ASMTL: variants seen among roughly 807,000 people sequenced by gnomAD.
The protein encoded by ASMTL is probable bifunctional dTTP/UTP pyrophosphatase/methyltransferase protein.
In ASMTL, 57 loss-of-function variants were observed where a neutral mutation model predicts 60.3. The ratio of observed to expected loss-of-function variants is 0.95; its 90% CI spans 0.76 to 1.18. The LOEUF (loss-of-function observed/expected upper bound fraction) is 1.18. ASMTL is among the 50% of genes most tolerant of loss of function. ASMTL has a pLI of 0.00. For synonymous variants in ASMTL, 419 were observed against 373.0 expected, an observed-to-expected ratio of 1.12 and a Z score of -1.42; for missense variants, 981 against 852.6, an observed-to-expected ratio of 1.15 and a Z score of -1.88.
chrX:1,418,741 T>C (rs5948844), intron 10 of ASMTL, among the ~76,000 whole-genome samples: 119,917 of 151,924 alleles, frequency 0.79, 47,551 homozygotes, highest in East Asian at 0.9. Context: ...CAAGGTGCTC[T>C]GCCTCAGCTC....
intron 12 of ASMTL, among the ~76,000 whole-genome samples, chrX:1,412,375 G>C (rs1379358090): frequency 3.3e-5 from 5 of 151,352 alleles, no homozygotes; most frequent in African/African-American, 4.9e-5. Context: ...TTACAGGTGC[G>C]CACTACCACA....
Position 1,442,246 on chromosome X carries a change from A to G in ASMTL, c.165T>C (p.Tyr55=). Residue 55 remains tyrosine, a synonymous_variant, in exon 2 of 13, where the codon TAT becomes TAC. Coordinates refer to ENST00000381317, the MANE Select transcript of ASMTL (RefSeq NM_004192.4). ...GCTTGGCGGTCTCCATGGCGTACCC[A>G]TACGGAGTAGCGAAGGAGGCTTTGT... is the stretch of plus-strand genomic sequence containing the variant. ...KLDKASFATP[Y]GYAMETAKQK... 6.2e-7 allele frequency: 1 copy of G among 1,613,926 alleles called. No individual in the cohort carries two copies. Among genetic ancestry groups the G allele is most frequent in the Non-Finnish European group, 8.5e-7 (1 of 1,179,862 alleles).
At chrX:1,416,891 A>C (rs1489366559) in intron 11 of ASMTL, among the ~76,000 whole-genome samples, 1 of 151,196 alleles carries the variant, frequency 6.6e-6, no homozygotes, top group Non-Finnish European at 1.5e-5. Context: ...GCAGACACAC[A>C]TACCCTCAGA....
intron 2 of ASMTL, chrX:1,441,925 A>G (rs527742001): frequency 1.1e-5 from 5 of 469,078 alleles, no homozygotes; most frequent in African/African-American, 5.9e-5. Context: ...CATTAATTGT[A>G]TATCATCAAT....
intron 6 of ASMTL, among the ~76,000 whole-genome samples, chrX:1,430,996 T>C (rs1418074884): frequency 1.7e-4 from 22 of 127,782 alleles, no homozygotes; most frequent in Non-Finnish European, 2.6e-4. Context: ...TCACACTTTA[T>C]ATTATTATGT....
intron 8 of ASMTL, among the ~76,000 whole-genome samples, chrX:1,424,339 A>C: frequency 1.0e-5 from 1 of 96,636 alleles, no homozygotes; most frequent in African/African-American, 3.7e-5. Flanking sequence ...CAGCTACCCA[A>C]CCACCGATCC....
At position 1,435,730 on chromosome X, in the gene ASMTL, G is replaced by A. The variant is rs751164203; in HGVS notation, c.302C>T (p.Pro101Leu). 33 of 1,613,364 alleles carry A rather than the reference G, an allele frequency of 2.0e-5. No individual in the cohort carries two copies. The highest frequency in any genetic ancestry group is 2.0e-4 in the Admixed American group (12 of 59,948). ...CCTGTAGGCGTCCTGCTTGTCCACC[G>A]GCTTCTCCAGAATCAGCCCCCCGAC... ...VTVGGLILEK[P>L]VDKQDAYRML... The change falls in exon 4 of 13, where the codon CCG becomes CTG. Residue 101 changes from proline (P) to leucine (L), a missense_variant. Transcript: ENST00000381317.
chrX:1,449,005 G>A (rs190230736), intron 1 of ASMTL, among the ~76,000 whole-genome samples: 291 of 152,166 alleles, frequency 1.9e-3, no homozygotes, highest in African/African-American at 6.5e-3. Flanking sequence ...GAAATAAACC[G>A]CCTCTGACCA....
intron 11 of ASMTL, among the ~76,000 whole-genome samples, chrX:1,416,650 C>T (rs781564136): frequency 6.6e-6 from 1 of 151,868 alleles, no homozygotes; most frequent in African/African-American, 2.4e-5. Context: ...TATGCAAGCA[C>T]ACACCACAGA....
intron 1 of ASMTL, among the ~76,000 whole-genome samples, chrX:1,448,284 C>A (rs2091273738): frequency 1.4e-5 from 2 of 147,868 alleles, no homozygotes; most frequent in Non-Finnish European, 3.0e-5. Flanking sequence ...ATCTTGGACA[C>A]ACACCGCCAT....
At chrX:1,452,529 G>C (rs1330109779) in intron 1 of ASMTL, among the ~76,000 whole-genome samples, 1 of 146,332 alleles carries the variant, frequency 6.8e-6, no homozygotes, top group Admixed American at 6.7e-5. Context: ...CCCATGCCTA[G>C]GGGGTTCCGG....
intron 6 of ASMTL, among the ~76,000 whole-genome samples, chrX:1,428,887 CTTTTTTA>C (rs1313419024): frequency 2.0e-5 from 3 of 148,134 alleles, no homozygotes; most frequent in African/African-American, 7.5e-5. Context: ...TCCTGTCTCA[CTTTTTTA>C]TTTTTTATTT....
rs1383013311 is a variant in ASMTL, at chrX:1,404,267, A to C, written c.1646-778T>G. Among the ~76,000 whole-genome samples, 66 of 151,150 alleles carry C rather than the reference A, an allele frequency of 4.4e-4. 1 individual carries two copies. Among genetic ancestry groups the C allele is most frequent in the African/African-American group, 1.4e-3 (56 of 40,644 alleles). ...GATGAATGGATGGATAGATGGATGC[A>C]TGGATGAGATGGATGGATGGATGGG... On this transcript the variant is annotated intron_variant, in intron 12 of 12. Coordinates refer to ENST00000381317, the MANE Select transcript of ASMTL (RefSeq NM_004192.4).
intron 3 of ASMTL, among the ~76,000 whole-genome samples, chrX:1,436,408 A>C (rs1174872839): frequency 2.0e-5 from 3 of 151,988 alleles, no homozygotes; most frequent in Non-Finnish European, 1.5e-5. Flanking sequence ...GCTGGAGTGC[A>C]GTGGCGCGAT....
chrX:1,436,616 T>C (rs1214507029), intron 3 of ASMTL, among the ~76,000 whole-genome samples: 1 of 152,150 alleles, frequency 6.6e-6, no homozygotes, highest in East Asian at 1.9e-4. Flanking sequence ...CCTCCCAAAG[T>C]GCTGGGATGA....
At chrX:1,412,621 C>T (rs777469301) in intron 12 of ASMTL, 111 bp downstream of exon 12, 19 of 1,487,540 alleles carry the variant, frequency 1.3e-5, no homozygotes, top group Non-Finnish European at 1.4e-5. Context: ...CCTCGGCCTC[C>T]CAAAGCGCTG....
At chrX:1,447,821 C>T (rs1183228976) in intron 1 of ASMTL, among the ~76,000 whole-genome samples, 1 of 149,276 alleles carries the variant, frequency 6.7e-6, no homozygotes, top group African/African-American at 2.5e-5. Context: ...ACACAGCTAT[C>T]TTGGATAAGC....
intron 12 of ASMTL, chrX:1,403,697 G>A (rs746959572): frequency 7.6e-5 from 46 of 602,522 alleles, no homozygotes; most frequent in East Asian, 6.1e-4. Flanking sequence ...AGATTTGATC[G>A]AAAGATGGAT....
chrX:1,425,051 T>C (rs1390663791), intron 8 of ASMTL, among the ~76,000 whole-genome samples: 2 of 125,316 alleles, frequency 1.6e-5, no homozygotes, highest in African/African-American at 5.5e-5. Context: ...CTACCATCCA[T>C]CCATCCATCT....
Sources: gnomAD v4.1 joint callset for allele counts (sites outside exome capture counted in the v4.1 genomes callset) on GRCh38, gnomAD v4.1.1 for gene constraint, MANE v1.5 for transcripts, NCBI Gene and HGNC (gene_info 2026-07-23, HGNC 2026-07-21) for gene names.